The following EDARADD variants were observed in gnomAD, a reference collection of about 807,000 sequenced individuals.
The protein encoded by EDARADD is EDAR associated via death domain.
EDARADD carries 20 observed loss-of-function variants against 25.6 expected under a neutral mutation model. The ratio of observed to expected loss-of-function variants is 0.78; its 90% CI spans 0.55 to 1.14. The LOEUF is 1.14. Ranked by LOEUF, EDARADD falls within the 50% of genes most tolerant of loss-of-function variation. The pLI is 0.00. For synonymous variants in EDARADD, 86 were observed against 94.4 expected (o/e 0.91, Z 0.52); for missense variants, 225 against 270.1 (o/e 0.83, Z 1.17).
At chr1:236,406,983 A>G (rs1294646272) in intron 1 of EDARADD, among the ~76,000 whole-genome samples, 1 of 152,054 alleles carries the variant, frequency 6.6e-6, no homozygotes, top group Admixed American at 6.6e-5. Flanking sequence ...TTTTCTTTCT[A>G]TCCATTTAAA....
intron 4 of EDARADD, among the ~76,000 whole-genome samples, chr1:236,448,024 G>A (rs1313301317): frequency 1.3e-5 from 2 of 152,074 alleles, no homozygotes; most frequent in African/African-American, 4.8e-5. Flanking sequence ...TAGTAGAGAC[G>A]GGGTTTCTCC....
At chr1:236,367,468 A>T (rs1667124562) in intron 3 of EDARADD, among the ~76,000 whole-genome samples, 1 of 152,104 alleles carries the variant, frequency 6.6e-6, no homozygotes, top group Non-Finnish European at 1.5e-5. Flanking sequence ...ACCTCAGGTG[A>T]TCCGCCCACC....
At chr1:236,426,800 T>A (rs1442301790) in intron 3 of EDARADD, among the ~76,000 whole-genome samples, 5 of 152,136 alleles carry the variant, frequency 3.3e-5, no homozygotes, top group Admixed American at 3.3e-4. Flanking sequence ...GAGGCTGAGG[T>A]GGGAGGATCA....
intron 3 of EDARADD, among the ~76,000 whole-genome samples, chr1:236,380,954 C>A (rs1558105195): frequency 6.6e-6 from 1 of 152,152 alleles, no homozygotes; most frequent in Non-Finnish European, 1.5e-5. Context: ...ATGTCAAGTG[C>A]ACAACTTGAT....
Position 236,394,433 on chromosome 1 carries a change from C to T in EDARADD, c.-12C>T. 1.2e-6 allele frequency: 2 copies of T among 1,614,062 alleles called. No homozygotes were observed. The highest frequency in any genetic ancestry group is 1.3e-5 in the African/African-American group (1 of 75,022). On this transcript the variant is annotated 5_prime_UTR_variant, in exon 1 of 6. Coordinates refer to ENST00000334232, the MANE Select transcript of EDARADD (RefSeq NM_145861.4). Reference sequence around the variant, plus strand: ...AACTCCAGAGAATTAAGAAGCCAAACTCAACATCGCCATGGGCCTCAGGAC... The same window carrying T: ...AACTCCAGAGAATTAAGAAGCCAAATTCAACATCGCCATGGGCCTCAGGAC...
At chr1:236,471,563 T>C (rs962622802) in intron 5 of EDARADD, among the ~76,000 whole-genome samples, 11 of 152,028 alleles carry the variant, frequency 7.2e-5, no homozygotes, top group Admixed American at 4.6e-4. Context: ...TTTTACAGCC[T>C]CCAAATCTGA....
At chr1:236,410,823 CCTT>C (rs1176620024) in intron 2 of EDARADD, among the ~76,000 whole-genome samples, 1 of 152,138 alleles carries the variant, frequency 6.6e-6, no homozygotes, top group African/African-American at 2.4e-5. Context: ...GTTTTCCTGT[CCTT>C]TAATTACCCC....
rs116129868 is a variant in EDARADD, at chr1:236,449,055, G to T, written c.220-19176G>T. On this transcript the variant is annotated intron_variant, in intron 4 of 5. Coordinates refer to ENST00000334232, the MANE Select transcript of EDARADD (RefSeq NM_145861.4). Reference sequence around the variant, plus strand: ...GGACTCTCCTGAGGGCTGTGAGGGAGATTCTGTTCTATGCCCCTCTCTTAG... The same window carrying T: ...GGACTCTCCTGAGGGCTGTGAGGGATATTCTGTTCTATGCCCCTCTCTTAG... 6.2e-3 allele frequency among the ~76,000 whole-genome samples: 944 copies of T among 152,308 alleles called. 12 individuals carry two copies. Among genetic ancestry groups the T allele is most frequent in the African/African-American group, 0.021 (878 of 41,564 alleles).
At chr1:236,367,694 A>C (rs1470092853) in intron 3 of EDARADD, among the ~76,000 whole-genome samples, 1 of 152,200 alleles carries the variant, frequency 6.6e-6, no homozygotes, top group East Asian at 1.9e-4. Flanking sequence ...AAAATGAGAC[A>C]TTTGGGCTAA....
At chr1:236,440,260 G>A (rs1399771360) in intron 4 of EDARADD, among the ~76,000 whole-genome samples, 1 of 151,994 alleles carries the variant, frequency 6.6e-6, no homozygotes, top group Non-Finnish European at 1.5e-5. Flanking sequence ...ACACTGTTTT[G>A]ATTACTGTAG....
chr1:236,397,795 G>T (rs1424729046), intron 1 of EDARADD, among the ~76,000 whole-genome samples: 2 of 152,080 alleles, frequency 1.3e-5, no homozygotes, highest in East Asian at 3.8e-4. Context: ...CCCGCTCTGG[G>T]ACTCTATTCT....
chr1:236,365,631 G>A (rs185801669), intron 3 of EDARADD, among the ~76,000 whole-genome samples: 1 of 152,148 alleles, frequency 6.6e-6, no homozygotes, highest in African/African-American at 2.4e-5. Context: ...CATGAATCTT[G>A]GGTCTGATTT....
chr1:236,417,061 G>A (rs1378776387), intron 3 of EDARADD, among the ~76,000 whole-genome samples: 1 of 151,996 alleles, frequency 6.6e-6, no homozygotes, highest in Admixed American at 6.6e-5. Flanking sequence ...CTGCAGTGAG[G>A]CATGAACTTC....
At position 236,483,654 on chromosome 1, in the gene EDARADD, GC is replaced by G. The variant is rs1468919569; in HGVS notation, c.*1007del. 10 of 1,574,346 alleles carry G rather than the reference GC, an allele frequency of 6.4e-6. No individual in the cohort carries two copies. The Admixed American group carries it at 1.2e-4, about 18-fold the overall frequency. On this transcript the variant is annotated 3_prime_UTR_variant, in exon 6 of 6. Coordinates refer to ENST00000334232, the MANE Select transcript of EDARADD (RefSeq NM_145861.4). ...CAGTTCTCATGCTGTCACCAAGCTGGCCATGCAGGAGTTCATGGTCCTCCCA... is the reference window on the plus strand; with the variant it reads ...CAGTTCTCATGCTGTCACCAAGCTGGCATGCAGGAGTTCATGGTCCTCCCA...
intron 3 of EDARADD, among the ~76,000 whole-genome samples, chr1:236,372,914 AT>A (rs34634477): frequency 6.2e-5 from 7 of 113,594 alleles, no homozygotes; most frequent in East Asian, 2.7e-4. Context: ...CTCTTCTTAC[AT>A]TTTTTTTTTT....
At chr1:236,394,623 G>A (rs111813316) in intron 1 of EDARADD, 118 bp downstream of exon 1, 1 of 859,108 alleles carries the variant, frequency 1.2e-6, no homozygotes, top group Admixed American at 3.0e-5. Context: ...TATCTTTTTC[G>A]ACCCGACTTT....
chr1:236,428,466 G>T (rs1657986799), intron 4 of EDARADD, among the ~76,000 whole-genome samples: 1 of 152,266 alleles, frequency 6.6e-6, no homozygotes, highest in South Asian at 2.1e-4. Flanking sequence ...ATCATGGCCT[G>T]TTCTCAATGA....
intron 4 of EDARADD, among the ~76,000 whole-genome samples, chr1:236,439,195 AGTGC>A (rs1658339723): frequency 6.6e-6 from 1 of 152,190 alleles, no homozygotes; most frequent in Non-Finnish European, 1.5e-5. Context: ...ATTTCTGTTT[AGTGC>A]TTAATAATAT....
intron 3 of EDARADD, among the ~76,000 whole-genome samples, chr1:236,417,571 A>G (rs1430218543): frequency 6.6e-6 from 1 of 152,108 alleles, no homozygotes. Flanking sequence ...CTGATTTTAC[A>G]GTTTTTGGGG....
Sources: gnomAD v4.1 joint callset for allele counts (sites outside exome capture counted in the v4.1 genomes callset) on GRCh38, gnomAD v4.1.1 for gene constraint, MANE v1.5 for transcripts, NCBI Gene and HGNC (gene_info 2026-07-23, HGNC 2026-07-21) for gene names.